The following PTPRD variants were observed in gnomAD, a reference collection of about 807,000 sequenced individuals.
PTPRD encodes the protein receptor-type tyrosine-protein phosphatase delta.
A neutral mutation model predicts 214.5 loss-of-function variants in PTPRD; 34 were observed. That is an observed-to-expected ratio of 0.16 (90% confidence interval 0.12 to 0.21). The LOEUF is 0.21. Ranked by LOEUF, PTPRD falls within the 10% of genes least tolerant of loss-of-function variation. The pLI is 1.00. For synonymous variants in PTPRD, 1,128 were observed against 845.7 expected (o/e 1.33, Z -5.79); for missense variants, 2,545 against 2,398.7 (o/e 1.06, Z -1.27).
chr9:10,586,801 T>A (rs2074028564), intron 2 of PTPRD, among the ~76,000 whole-genome samples: 3 of 137,968 alleles, frequency 2.2e-5, no homozygotes, highest in African/African-American at 7.9e-5. Context: ...TTTTTTTTTT[T>A]ACCATGCTTC....
At chr9:9,504,006 C>A (rs867247627) in intron 8 of PTPRD, among the ~76,000 whole-genome samples, 1 of 151,666 alleles carries the variant, frequency 6.6e-6, no homozygotes. Flanking sequence ...TCTCATTATT[C>A]CTTTAAAAAT....
intron 5 of PTPRD, among the ~76,000 whole-genome samples, chr9:9,931,488 C>G (rs543178783): frequency 6.6e-6 from 1 of 152,112 alleles, no homozygotes. Flanking sequence ...AAAATCGGGT[C>G]GCTCCCACCC....
At chr9:8,424,753 G>C (rs2094555943) in intron 35 of PTPRD, among the ~76,000 whole-genome samples, 1 of 152,154 alleles carries the variant, frequency 6.6e-6, no homozygotes, top group African/African-American at 2.4e-5. Flanking sequence ...GGGATCATGA[G>C]AGAAAGAACA....
intron 2 of PTPRD, among the ~76,000 whole-genome samples, chr9:10,461,100 C>T (rs146995874): frequency 1.3e-5 from 2 of 152,018 alleles, no homozygotes; most frequent in African/African-American, 4.8e-5. Context: ...ATAGACATTT[C>T]TCCAAAGATG....
Position 9,224,924 on chromosome 9 carries a change from C to A in PTPRD, c.-202-41561G>T, listed in dbSNP as rs536206708. Among the ~76,000 whole-genome samples the A allele has an allele frequency of 1.4e-4, 21 of 152,038 alleles. No homozygotes were observed. The South Asian group carries it at 3.7e-3, about 27-fold the overall frequency. On this transcript the variant is annotated intron_variant, in intron 9 of 45. Transcript: ENST00000381196. Reference sequence around the variant, plus strand: ...CTATGAACTGAAATTGCTCAAAGACCTTTTCCCCAAAAAATCAGTTTGATA... The same window carrying A: ...CTATGAACTGAAATTGCTCAAAGACATTTTCCCCAAAAAATCAGTTTGATA...
intron 9 of PTPRD, among the ~76,000 whole-genome samples, chr9:9,258,463 C>T (rs992732148): frequency 1.3e-5 from 2 of 151,630 alleles, no homozygotes; most frequent in Admixed American, 6.6e-5. Flanking sequence ...ATTGAGGATG[C>T]GAGTTTTTTG....
chr9:8,389,510 C>T (rs2088634589), intron 36 of PTPRD, 103 bp from the exon 37 acceptor site: 3 of 801,404 alleles, frequency 3.7e-6, no homozygotes, highest in Non-Finnish European at 5.7e-6. Flanking sequence ...CCACCTCACA[C>T]TAGAGAAGTC....
At chr9:9,680,722 G>T (rs2097049898) in intron 7 of PTPRD, among the ~76,000 whole-genome samples, 1 of 151,756 alleles carries the variant, frequency 6.6e-6, no homozygotes, top group South Asian at 2.1e-4. Flanking sequence ...AGAGGAGGAA[G>T]GGATGCAACT....
intron 3 of PTPRD, among the ~76,000 whole-genome samples, chr9:10,262,385 T>C (rs780172556): frequency 1.3e-5 from 2 of 152,170 alleles, no homozygotes; most frequent in Non-Finnish European, 2.9e-5. Flanking sequence ...GTTTATGAGG[T>C]AGACTCTGTC....
At chr9:10,381,167 A>G (rs1488062364) in intron 2 of PTPRD, among the ~76,000 whole-genome samples, 1 of 151,684 alleles carries the variant, frequency 6.6e-6, no homozygotes, top group Non-Finnish European at 1.5e-5. Context: ...ACTATACATC[A>G]TGGACGATTA....
At chr9:9,847,800 C>T (rs2059815484) in intron 5 of PTPRD, among the ~76,000 whole-genome samples, 1 of 152,042 alleles carries the variant, frequency 6.6e-6, no homozygotes, top group Non-Finnish European at 1.5e-5. Context: ...GTAGGGCTGT[C>T]GGTGGAGCTG....
chr9:10,226,401 G>T (rs942058743), intron 3 of PTPRD, among the ~76,000 whole-genome samples: 1 of 152,086 alleles, frequency 6.6e-6, no homozygotes. Flanking sequence ...GGTGGAGGGT[G>T]ACAACAGCCA....
At position 10,599,787 on chromosome 9, in the gene PTPRD, G is replaced by A. The variant is rs184221142; in HGVS notation, c.-600+12611C>T. Among the ~76,000 whole-genome samples, 9 of 151,624 alleles carry A rather than the reference G, an allele frequency of 5.9e-5. No homozygotes were observed. The East Asian group carries it at 1.2e-3, about 20-fold the overall frequency. On this transcript the variant is annotated intron_variant, in intron 2 of 45. Transcript: ENST00000381196. ...AGCCTATTTTTCTCCTTCACTTCTC[G>A]AAGTTTTCATCAATAACAGAAGAGC...
intron 11 of PTPRD, among the ~76,000 whole-genome samples, chr9:8,757,647 C>CATATATAT (rs2094114629): frequency 2.2e-5 from 3 of 138,954 alleles, no homozygotes; most frequent in Admixed American, 7.0e-5. Context: ...TATATACATA[C>CATATATAT]ATATATACAT....
intron 2 of PTPRD, among the ~76,000 whole-genome samples, chr9:10,522,138 G>C (rs2052539980): frequency 6.6e-6 from 1 of 152,102 alleles, no homozygotes; most frequent in Non-Finnish European, 1.5e-5. Flanking sequence ...CGAAAGGTTT[G>C]GTCTTCCTGA....
intron 14 of PTPRD, among the ~76,000 whole-genome samples, chr9:8,597,843 C>T (rs1189646222): frequency 6.6e-6 from 1 of 152,078 alleles, no homozygotes; most frequent in Admixed American, 6.5e-5. Flanking sequence ...CCTCCTATGA[C>T]AAGTATAATC....
intron 2 of PTPRD, among the ~76,000 whole-genome samples, chr9:10,422,571 G>C (rs1417163085): frequency 2.7e-5 from 4 of 149,832 alleles, no homozygotes. Flanking sequence ...TGACAAAGGT[G>C]GGTAGAGTCT....
At chr9:8,400,512 C>T (rs182148997) in intron 36 of PTPRD, among the ~76,000 whole-genome samples, 20 of 152,160 alleles carry the variant, frequency 1.3e-4, no homozygotes, top group Admixed American at 9.2e-4. Flanking sequence ...GTTCTAAAAC[C>T]TAATATTTAT....
At chr9:10,231,262 G>T (rs2099608526) in intron 3 of PTPRD, among the ~76,000 whole-genome samples, 2 of 151,754 alleles carry the variant, frequency 1.3e-5, no homozygotes, top group African/African-American at 4.8e-5. Context: ...AAAGAGAAAG[G>T]AGGCAAAGAA....
Sources: allele counts gnomAD v4.1 joint callset (sites outside exome capture counted in the v4.1 genomes callset), GRCh38; gene constraint gnomAD v4.1.1; transcripts MANE v1.5; gene names NCBI Gene and HGNC (gene_info 2026-07-23, HGNC 2026-07-21).